The following GALNS variants were observed in gnomAD, a reference collection of about 807,000 sequenced individuals.
The protein encoded by GALNS is galactosamine (N-acetyl)-6-sulfatase, also known as N-acetylgalactosamine-6-sulfatase.
A neutral mutation model predicts 65.9 loss-of-function variants in GALNS; 65 were observed. That is an observed-to-expected ratio of 0.99 (90% CI 0.81 to 1.21). The LOEUF is 1.21. Ranked by LOEUF, GALNS falls within the 50% of genes most tolerant of loss-of-function variation. The pLI is 0.00. For missense variants in GALNS, 776 were observed against 700.7 expected, an observed-to-expected ratio of 1.11 and a Z score of -1.21; for synonymous variants, 346 against 288.9, an observed-to-expected ratio of 1.20 and a Z score of -2.00.
Position 88,814,233 on chromosome 16 carries a change from T to G in GALNS, c.*206A>C. ...GGGCGAGGAGGAGGGTCCTGAAATC[T>G]GAGGCGCCGTGGGCGAGGAGGAGGG... On this transcript the variant is annotated 3_prime_UTR_variant, in exon 14 of 14. Coordinates refer to ENST00000268695, the MANE Select transcript of GALNS (RefSeq NM_000512.5). 1.5e-6 allele frequency: 1 copy of G among 677,934 alleles called. No homozygotes were observed. The highest frequency in any genetic ancestry group is 2.5e-6 in the Non-Finnish European group (1 of 392,758). The allele number at this position is 677,934 out of a possible 1,614,324, so 42.0% of individuals were successfully genotyped here.
At chr16:88,850,996 A>G (rs1967482946) in intron 1 of GALNS, among the ~76,000 whole-genome samples, 1 of 152,228 alleles carries the variant, frequency 6.6e-6, no homozygotes, top group Non-Finnish European at 1.5e-5. Context: ...CCTTCTGACC[A>G]GCCGAGGGCA....
At chr16:88,820,215 G>A (rs1390052924) in intron 12 of GALNS, among the ~76,000 whole-genome samples, 2 of 152,066 alleles carry the variant, frequency 1.3e-5, no homozygotes, top group African/African-American at 2.4e-5. Flanking sequence ...TGCAACCTCC[G>A]CCTCCTGGGT....
In GALNS at chr16:88,832,081, GA is replaced by G; in HGVS notation, c.918del (p.Leu307CysfsTer12). The G allele has an allele frequency of 3.7e-6, 6 of 1,613,864 alleles. No individual in the cohort carries two copies. The highest frequency in any genetic ancestry group is 5.1e-6 in the Non-Finnish European group (6 of 1,179,914). ...APEQGGSNGP[F>X]LCGKQTTFEG... ...TCAAACGTGGTCTGCTTCCCACACA[GA>G]AAGGGGCCGTTGCTGCCACCTGGGA... On this transcript the variant is annotated frameshift_variant, in exon 9 of 14. Transcript: ENST00000268695. LOFTEE classifies it high-confidence loss of function.
chr16:88,842,632 G>A (rs1213602184), intron 2 of GALNS, 74 bp downstream of exon 2: 1 of 1,572,300 alleles, frequency 6.4e-7, no homozygotes, highest in East Asian at 2.3e-5. Flanking sequence ...CCCAGAGTCA[G>A]GGCTGGAAGG....
intron 8 of GALNS, among the ~76,000 whole-genome samples, chr16:88,833,452 C>T (rs2142999986): frequency 6.7e-6 from 1 of 148,176 alleles, no homozygotes; most frequent in South Asian, 2.1e-4. Context: ...CTCTCCCATC[C>T]CCTTTTTTTT....
At chr16:88,851,279 TGAG>T (rs1330652054) in intron 1 of GALNS, among the ~76,000 whole-genome samples, 2 of 152,112 alleles carry the variant, frequency 1.3e-5, no homozygotes, top group African/African-American at 2.4e-5. Flanking sequence ...TTTGGGAGGC[TGAG>T]GAGGGAGGAT....
intron 4 of GALNS, among the ~76,000 whole-genome samples, chr16:88,839,191 TCG>T: frequency 6.8e-6 from 1 of 147,258 alleles, no homozygotes; most frequent in African/African-American, 2.5e-5. Flanking sequence ...CAGGGGACAC[TCG>T]TGCGCCCACG....
chr16:88,823,780 GC>G (rs754649124), intron 11 of GALNS, among the ~76,000 whole-genome samples: 1,800 of 123,190 alleles, frequency 0.015, 63 homozygotes, highest in Middle Eastern at 0.028. Flanking sequence ...AGGCGGCAAT[GC>G]CCGGGGACCG....
At chr16:88,844,561 CACCA>C (rs1426751786) in intron 1 of GALNS, 2 of 152,384 alleles carry the variant, frequency 1.3e-5, no homozygotes, top group South Asian at 2.1e-4. Flanking sequence ...GTGCTCCAAG[CACCA>C]ACCAAGACAC....
At chr16:88,816,527 C>T (rs1909642372) in intron 13 of GALNS, 3 of 267,342 alleles carry the variant, frequency 1.1e-5, no homozygotes, top group African/African-American at 2.5e-5. Flanking sequence ...CCGCCCCCCG[C>T]CCCCCAACTA....
At chr16:88,841,813 G>T in intron 3 of GALNS, 84 bp downstream of exon 3, 2 of 1,257,380 alleles carry the variant, frequency 1.6e-6, no homozygotes. Flanking sequence ...TGCCACCCGA[G>T]TCCCGGAGAC....
At chr16:88,829,293 G>A (rs1597553205) in intron 9 of GALNS, among the ~76,000 whole-genome samples, 1 of 152,194 alleles carries the variant, frequency 6.6e-6, no homozygotes, top group Admixed American at 6.5e-5. Flanking sequence ...GGGGGATGGC[G>A]CTCAGGGGAG....
Position 88,814,010 on chromosome 16 carries a change from A to G in GALNS, c.*429T>C. 4 of 315,232 alleles carry G rather than the reference A, an allele frequency of 1.3e-5. No homozygotes were observed. Among genetic ancestry groups the G allele is most frequent in the South Asian group, 8.5e-5 (3 of 35,254 alleles). 19.5% of individuals were successfully genotyped at this position (315,232 alleles called of 1,614,324 possible). A position where few individuals can be genotyped will look rare whatever the true frequency, so the allele number is the denominator to read the frequency against. Reference sequence around the variant, plus strand: ...GGCTGACTGAACCAATGTACGCCATACACATACTGATCTTGTGTCTCCCTA... The same window carrying G: ...GGCTGACTGAACCAATGTACGCCATGCACATACTGATCTTGTGTCTCCCTA... On this transcript the variant is annotated 3_prime_UTR_variant, in exon 14 of 14. Coordinates refer to ENST00000268695, the MANE Select transcript of GALNS (RefSeq NM_000512.5).
At chr16:88,832,161 C>T in intron 8 of GALNS, 60 bp from the exon 9 acceptor site, 1 of 1,415,506 alleles carries the variant, frequency 7.1e-7, no homozygotes, top group Non-Finnish European at 9.9e-7. Context: ...CCCTCCCCCT[C>T]CCTCCCCACT....
chr16:88,841,840 G>GCCCACCTGCCCAACCCTGCAC, intron 3 of GALNS, 57 bp downstream of exon 3: 3 of 1,499,842 alleles, frequency 2.0e-6, no homozygotes, highest in Non-Finnish European at 2.8e-6. Flanking sequence ...ACCACCCGTA[G>GCCCACCTGCCCAACCCTGCAC]CCCACCTGCC....
rs373036527 is a variant in GALNS at position 88,841,394 on chromosome 16, C to G, written c.320-300G>C. The stretch of plus-strand genomic sequence containing the variant: ...GGCCCCACCCTGCCTCTCAGGCCAG[C>G]CTCCCACCTGCCTGGTCTCCAGGGG... On this transcript the variant is annotated intron_variant, in intron 3 of 13. Coordinates refer to ENST00000268695, the MANE Select transcript of GALNS (RefSeq NM_000512.5). Among the ~76,000 whole-genome samples, 27 of 152,210 alleles carry G rather than the reference C, an allele frequency of 1.8e-4. No individual in the cohort carries two copies. In the East Asian group the frequency reaches 5.0e-3, roughly 28 times the overall value.
intron 1 of GALNS, chr16:88,855,425 T>C (rs2143011673): frequency 1.4e-6 from 1 of 702,770 alleles, no homozygotes; most frequent in African/African-American, 1.7e-5. Context: ...CAAAGTATCT[T>C]TAGGAGGGAG....
At chr16:88,846,509 CTTTTTTTT>C (rs59223444) in intron 1 of GALNS, among the ~76,000 whole-genome samples, 3 of 88,696 alleles carry the variant, frequency 3.4e-5, no homozygotes, top group African/African-American at 4.4e-5. Flanking sequence ...GCGTTTCTGG[CTTTTTTTT>C]TTTTTTTTTT....
intron 8 of GALNS, among the ~76,000 whole-genome samples, chr16:88,832,796 C>G (rs1911645483): frequency 6.6e-6 from 1 of 152,180 alleles, no homozygotes; most frequent in Non-Finnish European, 1.5e-5. Context: ...TGCGGTGGCT[C>G]ATACCTGTCA....
Sources: allele counts gnomAD v4.1 joint callset (sites outside exome capture counted in the v4.1 genomes callset), GRCh38; gene constraint gnomAD v4.1.1; transcripts MANE v1.5; gene names NCBI Gene and HGNC (gene_info 2026-07-23, HGNC 2026-07-21).